Variants in CSMD1 observed in about 807,000 individuals in gnomAD.
The protein encoded by CSMD1 is CUB and sushi domain-containing protein 1.
Under a neutral mutation model 417.5 loss-of-function variants are expected in CSMD1, and 213 were observed. That is an observed-to-expected ratio of 0.51 (90% CI 0.46 to 0.57). The LOEUF (loss-of-function observed/expected upper bound fraction) is 0.57. Among genes scored for constraint, CSMD1 ranks in the 20% least tolerant of loss-of-function variants. CSMD1 has a pLI of 0.00. For missense variants in CSMD1, 6,923 were observed against 4,529.7 expected (o/e 1.53, Z -15.17); for synonymous variants, 2,862 against 1,736.8 (o/e 1.65, Z -16.11).
intron 5 of CSMD1, among the ~76,000 whole-genome samples, chr8:3,981,567 T>C (rs1320227779): frequency 6.6e-6 from 1 of 151,322 alleles, no homozygotes; most frequent in Admixed American, 6.6e-5. Context: ...CACACCGTGT[T>C]CCATCACATC....
chr8:3,973,198 T>A (rs1325161282), intron 5 of CSMD1, among the ~76,000 whole-genome samples: 2 of 152,214 alleles, frequency 1.3e-5, no homozygotes. Flanking sequence ...TAAATGGTGG[T>A]GCTGCATGCA....
intron 23 of CSMD1, among the ~76,000 whole-genome samples, chr8:3,341,596 T>A (rs987487342): frequency 7.9e-5 from 12 of 152,054 alleles, no homozygotes; most frequent in South Asian, 6.2e-4. Context: ...TGCAGCAGTG[T>A]TGAGAGTGAG....
At chr8:3,308,548 C>T (rs762028785) in intron 23 of CSMD1, 45 bp from the exon 24 acceptor site, 23 of 1,508,208 alleles carry the variant, frequency 1.5e-5, no homozygotes, top group South Asian at 1.1e-4. Context: ...CAAGGGTGGA[C>T]ATCTGCCTTA....
intron 1 of CSMD1, among the ~76,000 whole-genome samples, chr8:4,959,218 C>T (rs149462950): frequency 6.6e-5 from 10 of 152,208 alleles, no homozygotes; most frequent in East Asian, 1.9e-4. Flanking sequence ...TGCCATGAAG[C>T]GGTGCTTGTT....
At chr8:4,785,785 T>C (rs1797371522) in intron 1 of CSMD1, among the ~76,000 whole-genome samples, 1 of 152,168 alleles carries the variant, frequency 6.6e-6, no homozygotes, top group South Asian at 2.1e-4. Context: ...GGGAACCTTA[T>C]AAGATATAAG....
chr8:3,943,359 TA>T (rs35048709), intron 5 of CSMD1, among the ~76,000 whole-genome samples: 1,826 of 137,954 alleles, frequency 0.013, 25 homozygotes, highest in African/African-American at 0.04. Context: ...TCAATTTTGT[TA>T]AAAAAAAAAA....
At chr8:3,516,752 A>G (rs1797298602) in intron 10 of CSMD1, among the ~76,000 whole-genome samples, 1 of 152,172 alleles carries the variant, frequency 6.6e-6, no homozygotes, top group South Asian at 2.1e-4. Flanking sequence ...ACAGCAGTAT[A>G]CACTGCACCT....
intron 1 of CSMD1, among the ~76,000 whole-genome samples, chr8:4,765,517 A>G (rs1203922824): frequency 1.3e-5 from 2 of 152,216 alleles, no homozygotes; most frequent in Non-Finnish European, 2.9e-5. Context: ...TACTGCTGGG[A>G]AGGAAATGGA....
At chr8:4,208,972 A>C (rs1186741180) in intron 3 of CSMD1, among the ~76,000 whole-genome samples, 2 of 152,182 alleles carry the variant, frequency 1.3e-5, no homozygotes, top group Non-Finnish European at 2.9e-5. Flanking sequence ...AGAGCTGAAA[A>C]ACCTACCAGT....
intron 2 of CSMD1, among the ~76,000 whole-genome samples, chr8:4,508,417 G>A (rs1272434524): frequency 1.3e-5 from 2 of 152,122 alleles, no homozygotes; most frequent in Non-Finnish European, 2.9e-5. Context: ...TCTTTGCCAT[G>A]CTTCAAAGTC....
intron 10 of CSMD1, among the ~76,000 whole-genome samples, chr8:3,548,825 C>T (rs1436690602): frequency 6.6e-6 from 1 of 152,016 alleles, no homozygotes; most frequent in African/African-American, 2.4e-5. Context: ...AGAGCAAAGC[C>T]ACCCTTGCTA....
At chr8:4,473,197 T>C (rs761716669) in intron 2 of CSMD1, among the ~76,000 whole-genome samples, 3 of 152,214 alleles carry the variant, frequency 2.0e-5, no homozygotes, top group Non-Finnish European at 4.4e-5. Flanking sequence ...CGACTTAAAA[T>C]TTCAATTATA....
chr8:4,005,221 G>C (rs533662972), intron 4 of CSMD1, among the ~76,000 whole-genome samples: 1 of 152,186 alleles, frequency 6.6e-6, no homozygotes, highest in South Asian at 2.1e-4. Flanking sequence ...CACCATCTCA[G>C]AAATCACCAC....
At chr8:4,091,251 C>T (rs1228737226) in intron 3 of CSMD1, among the ~76,000 whole-genome samples, 1 of 151,478 alleles carries the variant, frequency 6.6e-6, no homozygotes, top group Non-Finnish European at 1.5e-5. Flanking sequence ...AATGAGGATG[C>T]AAATTAGAAA....
chr8:4,648,625 G>T lies in CSMD1; in HGVS notation c.86-11067C>A, dbSNP rs376978920. Among the ~76,000 whole-genome samples, 10 of 152,232 alleles carry T rather than the reference G, an allele frequency of 6.6e-5. No homozygotes were observed. The East Asian group carries it at 1.4e-3, about 21-fold the overall frequency. On this transcript the variant is annotated intron_variant, in intron 1 of 69. Transcript: ENST00000635120. ...GTGGCTGCATGGATAAAATCATGAT[G>T]CATATCACCATTTACGTTGCTCATT...
At chr8:4,366,777 A>T (rs10094578) in intron 3 of CSMD1, among the ~76,000 whole-genome samples, 51,146 of 151,924 alleles carry the variant, frequency 0.34, 9,108 homozygotes, top group African/African-American at 0.45. Context: ...TTACATACAT[A>T]TACATGTGCC....
chr8:4,665,008 A>G (rs1247754694), intron 1 of CSMD1, among the ~76,000 whole-genome samples: 5 of 152,160 alleles, frequency 3.3e-5, no homozygotes, highest in Non-Finnish European at 7.4e-5. Context: ...TCTTCATTTT[A>G]TTATTACCAA....
At chr8:4,834,832 C>T (rs1365563409) in intron 1 of CSMD1, among the ~76,000 whole-genome samples, 4 of 150,864 alleles carry the variant, frequency 2.7e-5, no homozygotes, top group Non-Finnish European at 5.9e-5. Flanking sequence ...TGGTGGGCGC[C>T]TGTAATCCCA....
chr8:3,217,215 C>T (rs1358261333), intron 29 of CSMD1, among the ~76,000 whole-genome samples: 3 of 152,120 alleles, frequency 2.0e-5, no homozygotes, highest in African/African-American at 7.2e-5. Context: ...CATCACTGCT[C>T]CAGGCTGCAT....
Sources: gnomAD v4.1 joint callset for allele counts (sites outside exome capture counted in the v4.1 genomes callset) on GRCh38, gnomAD v4.1.1 for gene constraint, MANE v1.5 for transcripts, NCBI Gene and HGNC (gene_info 2026-07-23, HGNC 2026-07-21) for gene names.